The following INPP4B variants were observed in gnomAD, a reference collection of about 807,000 sequenced individuals.
The protein encoded by INPP4B is inositol polyphosphate-4-phosphatase type II B, also known as inositol polyphosphate 4-phosphatase type II.
INPP4B carries 55 observed loss-of-function variants against 122.5 expected under a neutral mutation model. That is an observed-to-expected ratio of 0.45 (90% CI 0.36 to 0.56). The LOEUF (loss-of-function observed/expected upper bound fraction) is 0.56. Among genes scored for constraint, INPP4B ranks in the 20% least tolerant of loss-of-function variants. The pLI is 0.00. For synonymous variants in INPP4B, 403 were observed against 388.7 expected, an observed-to-expected ratio of 1.04 and a Z score of -0.43; for missense variants, 1,000 against 1,097.7, an observed-to-expected ratio of 0.91 and a Z score of 1.26.
chr4:142,758,915 T>C (rs537165571), intron 1 of INPP4B, among the ~76,000 whole-genome samples: 1 of 146,952 alleles, frequency 6.8e-6, no homozygotes, highest in East Asian at 2.0e-4. Context: ...AATGTGCCAC[T>C]GCACTCCAGC....
At chr4:142,033,330 C>T (rs1015182477) in intron 25 of INPP4B, among the ~76,000 whole-genome samples, 3 of 152,204 alleles carry the variant, frequency 2.0e-5, no homozygotes, top group African/African-American at 7.2e-5. Flanking sequence ...CTGTGCCAGC[C>T]ACACCCTCTG....
At chr4:142,222,988 T>A (rs1850000363) in intron 12 of INPP4B, among the ~76,000 whole-genome samples, 1 of 151,686 alleles carries the variant, frequency 6.6e-6, no homozygotes, top group Non-Finnish European at 1.5e-5. Flanking sequence ...TAAAGGCATA[T>A]GAATCTGTGA....
chr4:142,476,041 T>C (rs1252041049), intron 2 of INPP4B, among the ~76,000 whole-genome samples: 1 of 152,066 alleles, frequency 6.6e-6, no homozygotes, highest in Non-Finnish European at 1.5e-5. Flanking sequence ...GACATAATTA[T>C]CAGATTCTTC....
At chr4:142,452,456 T>G (rs1197024321) in intron 3 of INPP4B, among the ~76,000 whole-genome samples, 1 of 152,202 alleles carries the variant, frequency 6.6e-6, no homozygotes, top group Non-Finnish European at 1.5e-5. Flanking sequence ...AACACATGCT[T>G]GATGGAATCT....
rs148394319 is a variant in INPP4B, at chr4:142,772,142, T to C, written c.-253-46241A>G. Among the ~76,000 whole-genome samples the C allele has an allele frequency of 3.6e-3, 549 of 152,148 alleles. 1 individual carries two copies. The highest frequency in any genetic ancestry group is 0.011 in the African/African-American group (476 of 41,520). ...AGAAGTCCAGGTTGGAGATAAAAAT[T>C]TGTGAGTCATCAGGGAATAGATGGT... On this transcript the variant is annotated intron_variant, in intron 1 of 25. Transcript: ENST00000262992.
chr4:142,464,502 T>TA (rs1817363277), intron 2 of INPP4B, among the ~76,000 whole-genome samples: 2 of 152,116 alleles, frequency 1.3e-5, no homozygotes, highest in South Asian at 4.1e-4. Context: ...GAATAGGCTT[T>TA]AAATTATACC....
chr4:142,247,143 C>T (rs1729298682), intron 11 of INPP4B, among the ~76,000 whole-genome samples: 1 of 152,192 alleles, frequency 6.6e-6, no homozygotes, highest in Non-Finnish European at 1.5e-5. Flanking sequence ...AAGGATGAAG[C>T]TGACTTGACC....
intron 7 of INPP4B, among the ~76,000 whole-genome samples, chr4:142,321,091 A>T (rs1293847535): frequency 6.6e-6 from 1 of 152,214 alleles, no homozygotes; most frequent in East Asian, 1.9e-4. Context: ...CCAGCAGTGT[A>T]AAAGTGTTCT....
chr4:142,763,844 G>T (rs978472297), intron 1 of INPP4B, among the ~76,000 whole-genome samples: 2 of 151,882 alleles, frequency 1.3e-5, no homozygotes, highest in African/African-American at 4.8e-5. Flanking sequence ...TAAAAAATCA[G>T]CAAAGAAGCA....
At chr4:142,732,426 A>G (rs900708325) in intron 1 of INPP4B, among the ~76,000 whole-genome samples, 2 of 152,088 alleles carry the variant, frequency 1.3e-5, no homozygotes, top group African/African-American at 4.8e-5. Context: ...AAATGATGAA[A>G]TACATTTAAA....
intron 25 of INPP4B, among the ~76,000 whole-genome samples, chr4:142,034,230 C>T (rs985145255): frequency 2.0e-5 from 3 of 152,056 alleles, no homozygotes; most frequent in Non-Finnish European, 4.4e-5. Flanking sequence ...GTGATGTTAC[C>T]CAGGGACATT....
At chr4:142,172,587 A>T (rs1265969983) in intron 16 of INPP4B, among the ~76,000 whole-genome samples, 1 of 151,972 alleles carries the variant, frequency 6.6e-6, no homozygotes, top group Non-Finnish European at 1.5e-5. Flanking sequence ...AACTTTCTGA[A>T]TAGATATTAA....
At chr4:142,638,546 CTTTTTT>C (rs3080813) in intron 2 of INPP4B, among the ~76,000 whole-genome samples, 1 of 134,316 alleles carries the variant, frequency 7.4e-6, no homozygotes, top group South Asian at 2.3e-4. Flanking sequence ...TGTCTATTCT[CTTTTTT>C]TTTTTTTTTG....
intron 2 of INPP4B, among the ~76,000 whole-genome samples, chr4:142,693,783 T>G (rs1318261193): frequency 6.6e-6 from 1 of 152,152 alleles, no homozygotes; most frequent in African/African-American, 2.4e-5. Flanking sequence ...TTGTTTTATC[T>G]TAGCTGTTCC....
At chr4:142,429,875 T>C (rs1422971529) in intron 4 of INPP4B, among the ~76,000 whole-genome samples, 1 of 152,032 alleles carries the variant, frequency 6.6e-6, no homozygotes, top group African/African-American at 2.4e-5. Flanking sequence ...GTGATCACAT[T>C]GTGGGAAGTG....
At chr4:142,818,877 C>T (rs1780459368) in intron 1 of INPP4B, among the ~76,000 whole-genome samples, 1 of 152,158 alleles carries the variant, frequency 6.6e-6, no homozygotes, top group South Asian at 2.1e-4. Context: ...CATAGTGTGT[C>T]TCTTCCACTG....
chr4:142,028,052 G>A lies in INPP4B; in HGVS notation c.*730C>T, dbSNP rs546830528. The stretch of plus-strand genomic sequence containing the variant: ...ATTTGTAATTTTAGATCATTGCAGT[G>A]TTTTGCTTATCATTCTATTAAACGT... On this transcript the variant is annotated 3_prime_UTR_variant, in exon 26 of 26. Transcript: ENST00000262992. 1 of 219,258 alleles carries A rather than the reference G, an allele frequency of 4.6e-6. No individual in the cohort carries two copies. 13.6% of individuals were successfully genotyped at this position (219,258 alleles called of 1,614,324 possible).
intron 9 of INPP4B, among the ~76,000 whole-genome samples, chr4:142,295,423 A>G (rs1165214946): frequency 7.9e-5 from 12 of 152,204 alleles, no homozygotes. Flanking sequence ...TGAGGATCAC[A>G]TGCCTGCCTA....
intron 7 of INPP4B, among the ~76,000 whole-genome samples, chr4:142,369,931 C>CAA (rs11422223): frequency 3.8e-3 from 359 of 94,454 alleles, no homozygotes; most frequent in African/African-American, 6.1e-3. Flanking sequence ...GACTCCATCT[C>CAA]AAAAAAAAAA....
Sources: gnomAD v4.1 joint callset for allele counts (sites outside exome capture counted in the v4.1 genomes callset) on GRCh38, gnomAD v4.1.1 for gene constraint, MANE v1.5 for transcripts, NCBI Gene and HGNC (gene_info 2026-07-23, HGNC 2026-07-21) for gene names.